Variants in PXDNL observed in about 807,000 individuals in gnomAD.
PXDNL encodes the protein probable oxidoreductase PXDNL.
In PXDNL, 145 loss-of-function variants were observed where a neutral mutation model predicts 150.8. That is an observed-to-expected ratio of 0.96 (90% CI 0.84 to 1.10). PXDNL has a LOEUF of 1.10. Among genes scored for constraint, PXDNL ranks in the 50% least tolerant of loss-of-function variants. The probability of loss-of-function intolerance (pLI) is 0.00; values close to 1 mark genes in which losing one functional copy is unlikely to be tolerated. For missense variants in PXDNL, 2,087 were observed against 1,873.9 expected, an observed-to-expected ratio of 1.11 and a Z score of -2.10; for synonymous variants, 757 against 725.7, an observed-to-expected ratio of 1.04 and a Z score of -0.69.
intron 12 of PXDNL, among the ~76,000 whole-genome samples, chr8:51,442,498 T>A (rs1280611799): frequency 6.6e-6 from 1 of 152,006 alleles, no homozygotes; most frequent in Non-Finnish European, 1.5e-5. Context: ...GCTAATGAGT[T>A]CAGTAGACCT....
At chr8:51,369,724 G>T (rs184591664) in intron 19 of PXDNL, among the ~76,000 whole-genome samples, 80 of 151,750 alleles carry the variant, frequency 5.3e-4, no homozygotes, top group Admixed American at 5.2e-3. Flanking sequence ...TTAATTTTCA[G>T]ACATTTTTTA....
intron 5 of PXDNL, among the ~76,000 whole-genome samples, chr8:51,486,439 CTAAG>C (rs1333311241): frequency 6.6e-6 from 1 of 151,794 alleles, no homozygotes; most frequent in Non-Finnish European, 1.5e-5. Context: ...GCAGATTAAT[CTAAG>C]TCTCAGTCCC....
intron 19 of PXDNL, among the ~76,000 whole-genome samples, chr8:51,349,200 C>T (rs184202177): frequency 1.7e-3 from 261 of 151,910 alleles, no homozygotes; most frequent in Non-Finnish European, 2.3e-3. Context: ...TGTGAATCTT[C>T]CCATTCAGGG....
At chr8:51,646,138 ATTAATGTTAAGTGAAGTC>A (rs920707324) in intron 2 of PXDNL, among the ~76,000 whole-genome samples, 2 of 152,162 alleles carry the variant, frequency 1.3e-5, no homozygotes, top group African/African-American at 2.4e-5. Context: ...TCAAGAAGGA[ATTAATGTTAAGTGAAGTC>A]TTAAGGACAC....
intron 17 of PXDNL, among the ~76,000 whole-genome samples, chr8:51,379,371 T>G (rs1425588948): frequency 6.6e-6 from 1 of 152,148 alleles, no homozygotes; most frequent in Non-Finnish European, 1.5e-5. Flanking sequence ...TTCAAAAAAT[T>G]TTTGGTAATC....
chr8:51,728,155 C>G (rs1816852168), intron 1 of PXDNL, among the ~76,000 whole-genome samples: 1 of 152,254 alleles, frequency 6.6e-6, no homozygotes, highest in African/African-American at 2.4e-5. Flanking sequence ...AAAGTAAGGT[C>G]ATTGTGTAAT....
chr8:51,426,036 T>C (rs1416886416), intron 13 of PXDNL, among the ~76,000 whole-genome samples: 1 of 152,218 alleles, frequency 6.6e-6, no homozygotes, highest in Non-Finnish European at 1.5e-5. Context: ...TTTCAAAAAC[T>C]GACATTCAAG....
chr8:51,534,353 G>T lies in PXDNL; in HGVS notation c.380+22487C>A, dbSNP rs1005792967. On this transcript the variant is annotated intron_variant, in intron 4 of 22. Coordinates refer to ENST00000356297, the MANE Select transcript of PXDNL (RefSeq NM_144651.5). Reference sequence around the variant, plus strand: ...CAGCCACCCCGTCCGGGAGGGAGGTGGGGGGGGGTCAGCCCCCGCCAGGCC... The same window carrying T: ...CAGCCACCCCGTCCGGGAGGGAGGTTGGGGGGGGTCAGCCCCCGCCAGGCC... Among the ~76,000 whole-genome samples the T allele has an allele frequency of 3.0e-5, 4 of 133,716 alleles. 1 individual carries two copies. The highest frequency in any genetic ancestry group is 1.3e-4 in the African/African-American group (4 of 29,892). The allele number at this position is 133,716 out of a possible 152,430, so 87.7% of individuals were successfully genotyped here.
At position 51,368,537 on chromosome 8, in the gene PXDNL, T is replaced by C. The variant is rs186930703; in HGVS notation, c.3901+3336A>G. On this transcript the variant is annotated intron_variant, in intron 19 of 22. Coordinates refer to ENST00000356297, the MANE Select transcript of PXDNL (RefSeq NM_144651.5). ...GGGAAACAAAAAATGAAAAAAAAAA[T>C]AGCCCTGTTGAAAATAAAATTATTC... is the stretch of plus-strand genomic sequence containing the variant. Among the ~76,000 whole-genome samples, 17 of 151,516 alleles carry C rather than the reference T, an allele frequency of 1.1e-4. No individual in the cohort carries two copies. In the East Asian group the frequency reaches 3.1e-3, roughly 28 times the overall value.
intron 1 of PXDNL, among the ~76,000 whole-genome samples, chr8:51,794,342 C>G (rs1200849112): frequency 6.6e-6 from 1 of 152,176 alleles, no homozygotes; most frequent in Non-Finnish European, 1.5e-5. Context: ...ATGAGAAGAT[C>G]AACACCAAGA....
At chr8:51,577,995 GAAAGAGGAAGGAAGGAAGGAAGGA>G (rs1406343941) in intron 3 of PXDNL, among the ~76,000 whole-genome samples, 123 of 47,780 alleles carry the variant, frequency 2.6e-3, no homozygotes, top group African/African-American at 9.3e-3. Flanking sequence ...AAGAAAGAAA[GAAAGAGGAAGGAAGGAAGGAAGGA>G]AGGAAGGAAG....
chr8:51,413,598 C>G (rs142056354), intron 14 of PXDNL, among the ~76,000 whole-genome samples: 2 of 152,094 alleles, frequency 1.3e-5, no homozygotes, highest in East Asian at 3.9e-4. Context: ...TATGAAATAC[C>G]TATCTCTTCA....
At chr8:51,764,306 T>C (rs1407365747) in intron 1 of PXDNL, among the ~76,000 whole-genome samples, 1 of 151,926 alleles carries the variant, frequency 6.6e-6, no homozygotes, top group East Asian at 1.9e-4. Flanking sequence ...CTCTACTTCA[T>C]TTATTTCAGC....
rs1038702243 is a variant in PXDNL, at chr8:51,453,628, G to C, written c.1140C>G (p.Ser380=). ...ELDGSRHVAT[S]SGLYLQNITQ... is the part of the protein sequence containing the mutation. ...TGATGTTCTGTAAGTAAAGTCCACT[G>C]GACGTTGCCACGTGCCTGGATCCAT... Residue 380 remains serine, a synonymous_variant, in exon 10 of 23, where the codon TCC becomes TCG. Transcript: ENST00000356297. The C allele has an allele frequency of 6.2e-7, 1 of 1,613,900 alleles. No individual in the cohort carries two copies. Among genetic ancestry groups the C allele is most frequent in the African/African-American group, 1.3e-5 (1 of 74,948 alleles).
chr8:51,561,797 C>T (rs1174677652), intron 3 of PXDNL, among the ~76,000 whole-genome samples: 1 of 151,894 alleles, frequency 6.6e-6, no homozygotes, highest in Non-Finnish European at 1.5e-5. Flanking sequence ...AGATTGATTA[C>T]ACCACAATGT....
chr8:51,361,347 C>A (rs968040942), intron 19 of PXDNL, among the ~76,000 whole-genome samples: 2 of 152,100 alleles, frequency 1.3e-5, no homozygotes, highest in Admixed American at 1.3e-4. Context: ...TCAGCTTTTG[C>A]AAATTCACAG....
At chr8:51,508,663 A>G (rs1172775431) in intron 4 of PXDNL, among the ~76,000 whole-genome samples, 1 of 152,158 alleles carries the variant, frequency 6.6e-6, no homozygotes, top group Admixed American at 6.6e-5. Flanking sequence ...CAGTACCAGG[A>G]ACATGAGCAC....
intron 17 of PXDNL, among the ~76,000 whole-genome samples, chr8:51,402,743 CATTA>C (rs1808295381): frequency 6.6e-6 from 1 of 152,110 alleles, no homozygotes; most frequent in African/African-American, 2.4e-5. Flanking sequence ...ACCTTCTGCT[CATTA>C]AATGTTTTAG....
At chr8:51,692,863 C>A (rs1016495894) in intron 1 of PXDNL, among the ~76,000 whole-genome samples, 1 of 152,214 alleles carries the variant, frequency 6.6e-6, no homozygotes, top group Non-Finnish European at 1.5e-5. Context: ...AGCAGAGTTA[C>A]GTAAGTTCCT....
Sources: gnomAD v4.1 joint callset for allele counts (sites outside exome capture counted in the v4.1 genomes callset) on GRCh38, gnomAD v4.1.1 for gene constraint, MANE v1.5 for transcripts, NCBI Gene and HGNC (gene_info 2026-07-23, HGNC 2026-07-21) for gene names.